TAFA5: variants seen among roughly 807,000 people sequenced by gnomAD.
TAFA5 encodes the protein TAFA chemokine like family member 5, also known as chemokine-like protein TAFA-5.
In TAFA5, 6 loss-of-function variants were observed where a neutral mutation model predicts 15.3. The ratio of observed to expected loss-of-function variants is 0.39; its 90% CI spans 0.21 to 0.77. The LOEUF is 0.77. TAFA5 is among the 30% of genes least tolerant of loss of function. The pLI is 0.41. For missense variants in TAFA5, 161 were observed against 193.1 expected (o/e 0.83, Z 0.98); for synonymous variants, 103 against 80.7 (o/e 1.28, Z -1.48).
At chr22:48,574,044 G>C (rs1923675712) in intron 1 of TAFA5, among the ~76,000 whole-genome samples, 1 of 152,218 alleles carries the variant, frequency 6.6e-6, no homozygotes, top group African/African-American at 2.4e-5. Flanking sequence ...GCCAGGCAGG[G>C]TGGGTTCCTG....
At chr22:48,671,020 A>G (rs1441726597) in intron 2 of TAFA5, among the ~76,000 whole-genome samples, 3 of 152,226 alleles carry the variant, frequency 2.0e-5, no homozygotes, top group Non-Finnish European at 4.4e-5. Context: ...ACAGGAATTT[A>G]TTAGAAAATG....
chr22:48,719,487 G>A (rs1010252498), intron 3 of TAFA5, among the ~76,000 whole-genome samples: 7 of 152,218 alleles, frequency 4.6e-5, no homozygotes, highest in Non-Finnish European at 8.8e-5. Flanking sequence ...CAGAAGGATC[G>A]TGAAGGAAGA....
intron 3 of TAFA5, among the ~76,000 whole-genome samples, chr22:48,725,145 G>T (rs976836178): frequency 2.0e-5 from 3 of 152,378 alleles, no homozygotes; most frequent in East Asian, 1.9e-4. Flanking sequence ...GAAGATGAAG[G>T]CCTGCTGCAC....
chr22:48,655,900 C>T (rs1044285226), intron 2 of TAFA5, among the ~76,000 whole-genome samples: 5 of 130,710 alleles, frequency 3.8e-5, no homozygotes, highest in Admixed American at 9.0e-5. Flanking sequence ...AGTGCAGTGG[C>T]GCGATCTCAG....
intron 2 of TAFA5, among the ~76,000 whole-genome samples, chr22:48,664,991 G>T (rs5771920): frequency 0.73 from 111,190 of 152,044 alleles, 41,474 homozygotes; most frequent in South Asian, 0.87. Flanking sequence ...GCCACGGTAG[G>T]CCCTGCAGAG....
intron 3 of TAFA5, among the ~76,000 whole-genome samples, chr22:48,711,623 C>T (rs945206379): frequency 5.3e-5 from 8 of 152,170 alleles, no homozygotes; most frequent in African/African-American, 1.7e-4. Context: ...GGTAAATTAG[C>T]GCTACATGAG....
intron 1 of TAFA5, among the ~76,000 whole-genome samples, chr22:48,495,230 G>A (rs541067482): frequency 6.6e-6 from 1 of 152,194 alleles, no homozygotes; most frequent in African/African-American, 2.4e-5. Context: ...GCAGGCTTGC[G>A]GGTGAAGCTG....
At chr22:48,536,277 G>A (rs1199515035) in intron 1 of TAFA5, among the ~76,000 whole-genome samples, 3 of 152,208 alleles carry the variant, frequency 2.0e-5, no homozygotes, top group Non-Finnish European at 4.4e-5. Flanking sequence ...CCGGGTTTTT[G>A]TGGGGCAACA....
At chr22:48,570,542 C>T (rs1191685022) in intron 1 of TAFA5, among the ~76,000 whole-genome samples, 35 of 152,326 alleles carry the variant, frequency 2.3e-4, no homozygotes, top group Non-Finnish European at 5.9e-5. Flanking sequence ...TTTTTAGTTT[C>T]AACATGCGTG....
chr22:48,680,681 T>G (rs1358149072), intron 2 of TAFA5, among the ~76,000 whole-genome samples: 1 of 152,216 alleles, frequency 6.6e-6, no homozygotes, highest in African/African-American at 2.4e-5. Flanking sequence ...GCCAGGTCTC[T>G]AGGGCAGAGG....
intron 1 of TAFA5, among the ~76,000 whole-genome samples, chr22:48,635,130 C>T (rs908227828): frequency 2.6e-5 from 4 of 152,152 alleles, no homozygotes; most frequent in Admixed American, 6.5e-5. Context: ...GCCTTGTTCC[C>T]GTTGTGGCCT....
intron 1 of TAFA5, among the ~76,000 whole-genome samples, chr22:48,564,948 G>T (rs979573346): frequency 3.9e-5 from 6 of 152,248 alleles, no homozygotes; most frequent in African/African-American, 1.4e-4. Flanking sequence ...TGGGAGAGTT[G>T]TAAGCTGGCA....
At chr22:48,582,282 A>G (rs1924077961) in intron 1 of TAFA5, among the ~76,000 whole-genome samples, 1 of 151,962 alleles carries the variant, frequency 6.6e-6, no homozygotes, top group Non-Finnish European at 1.5e-5. Context: ...TACACACCAT[A>G]TGCTGCACAC....
chr22:48,558,171 T>G (rs997810309), intron 1 of TAFA5, among the ~76,000 whole-genome samples: 6 of 152,176 alleles, frequency 3.9e-5, no homozygotes, highest in African/African-American at 1.2e-4. Flanking sequence ...AGTGCCACCG[T>G]CGCAACATCC....
At position 48,501,342 on chromosome 22, in the gene TAFA5, G is replaced by A. The variant is rs368021704; in HGVS notation, c.112+11638G>A. 8.5e-5 allele frequency among the ~76,000 whole-genome samples: 13 copies of A among 152,360 alleles called. No individual in the cohort carries two copies. In the South Asian group the frequency reaches 2.5e-3, roughly 29 times the overall value. ...CCTGCTCTGAGCAAACCTAAGGCCC[G>A]TTGGCCTTTTGGTTTTTGGTGCATT... On this transcript the variant is annotated intron_variant, in intron 1 of 3. Transcript: ENST00000402357.
intron 2 of TAFA5, among the ~76,000 whole-genome samples, chr22:48,649,137 A>G (rs917419695): frequency 6.6e-6 from 1 of 152,210 alleles, no homozygotes; most frequent in Non-Finnish European, 1.5e-5. Flanking sequence ...TCTTGGCTGA[A>G]GGGAGCATGC....
At chr22:48,588,353 G>A (rs940232296) in intron 1 of TAFA5, among the ~76,000 whole-genome samples, 1 of 152,128 alleles carries the variant, frequency 6.6e-6, no homozygotes, top group East Asian at 1.9e-4. Context: ...CAGTCTCGGC[G>A]GCCGCCCGAG....
chr22:48,576,344 G>A, intron 1 of TAFA5: 2 of 1,188,420 alleles, frequency 1.7e-6, no homozygotes, highest in Non-Finnish European at 2.1e-6. Flanking sequence ...GCCTCCAGTC[G>A]CGGCGGAGCG....
chr22:48,509,125 C>T (rs998290787), intron 1 of TAFA5, among the ~76,000 whole-genome samples: 2 of 152,232 alleles, frequency 1.3e-5, no homozygotes, highest in Non-Finnish European at 2.9e-5. Flanking sequence ...ATGCCTGCAG[C>T]TGCGAATGAC....
Sources: gnomAD v4.1 joint callset for allele counts (sites outside exome capture counted in the v4.1 genomes callset) on GRCh38, gnomAD v4.1.1 for gene constraint, MANE v1.5 for transcripts, NCBI Gene and HGNC (gene_info 2026-07-23, HGNC 2026-07-21) for gene names.